Variants in IGSF1 observed in about 807,000 individuals in gnomAD.
IGSF1 encodes immunoglobulin superfamily member 1, also known as immunoglobulin-like domain-containing protein 1.
In IGSF1, 40 loss-of-function variants were observed where a neutral mutation model predicts 95.3. The ratio of observed to expected loss-of-function variants is 0.42; its 90% CI spans 0.33 to 0.55. The LOEUF is 0.55. Among genes scored for constraint, IGSF1 ranks in the 20% least tolerant of loss-of-function variants. IGSF1 has a pLI of 0.10. For missense variants in IGSF1, 906 were observed against 1,025.4 expected, an observed-to-expected ratio of 0.88 and a Z score of 1.59; for synonymous variants, 372 against 382.9, an observed-to-expected ratio of 0.97 and a Z score of 0.33.
rs779673932 is a variant in IGSF1 at position 131,285,819 on chromosome X, C to A, written c.327G>T (p.Trp109Cys). 16 of 1,211,069 alleles carry A rather than the reference C, an allele frequency of 1.3e-5. No homozygotes were observed. Among genetic ancestry groups the A allele is most frequent in the Non-Finnish European group, 1.8e-5 (16 of 895,028 alleles). ...SNAGLYRCCY[W>C]KETGWSKPSK... Reference sequence around the variant, plus strand: ...TGGGCTTTGACCAGCCTGTCTCCTTCCAGTAGCAGCACCGGTAAAGACCTG... The same window carrying A: ...TGGGCTTTGACCAGCCTGTCTCCTTACAGTAGCAGCACCGGTAAAGACCTG... The change falls in exon 4 of 20, where the codon TGG becomes TGT. Residue 109 changes from tryptophan to cysteine, a missense_variant. Physicochemically the swap from Trp to Cys is radical, Grantham distance 215 (BLOSUM62 -2). This residue lies in a region of IGSF1 where 442 missense variants were observed against 448.1 expected (regional missense o/e 0.99). Coordinates refer to ENST00000361420, the MANE Select transcript of IGSF1 (RefSeq NM_001555.5).
chrX:131,273,628 C>T lies in IGSF1; in HGVS notation c.*168G>A, dbSNP rs1248417789. On this transcript the variant is annotated 3_prime_UTR_variant, in exon 20 of 20. Transcript: ENST00000361420. ...GGGTGGGGAACCTCTCTTCAGGAAA[C>T]ATCTCACCCTGGCAGAGCTCTCAAC... 2 of 484,565 alleles carry T rather than the reference C, an allele frequency of 4.1e-6. No individual in the cohort carries two copies. Among genetic ancestry groups the T allele is most frequent in the Non-Finnish European group, 7.1e-6 (2 of 282,896 alleles). The allele number at this position is 484,565 out of a possible 1,213,427, so 39.9% of individuals were successfully genotyped here.
intron 5 of IGSF1, 55 bp downstream of exon 5, chrX:131,285,124 G>A (rs376242370): frequency 2.4e-5 from 27 of 1,141,930 alleles, no homozygotes; most frequent in Non-Finnish European, 3.0e-5. Flanking sequence ...AGCTCAGCCA[G>A]CCATGATACC....
At chrX:131,286,183 C>T in intron 3 of IGSF1, 135 bp from the exon 4 acceptor site, 1 of 596,958 alleles carries the variant, frequency 1.7e-6, no homozygotes. Context: ...GGAGTGTGCT[C>T]CTGTGGGGCA....
At chrX:131,277,588 A>C in intron 13 of IGSF1, 2 of 390,362 alleles carry the variant, frequency 5.1e-6, no homozygotes, top group Non-Finnish European at 8.8e-6. Flanking sequence ...GAGTTGCTCT[A>C]TGGTGAAGTG....
At position 131,273,763 on chromosome X, in the gene IGSF1, AG is replaced by A; in HGVS notation, c.*32del. 8.5e-7 allele frequency: 1 copy of A among 1,182,574 alleles called. No homozygotes were observed. Among genetic ancestry groups the A allele is most frequent in the Admixed American group, 2.2e-5 (1 of 44,518 alleles). ...TTATAGGTCTCTGAGAGCAAGAGAG[AG>A]GAGAGGAAAGCTCTTGTAAAGGAGG... On this transcript the variant is annotated 3_prime_UTR_variant, in exon 20 of 20. Coordinates refer to ENST00000361420, the MANE Select transcript of IGSF1 (RefSeq NM_001555.5).
chrX:131,283,292 G>T, intron 5 of IGSF1, 28 bp from the exon 6 acceptor site: 1 of 1,121,082 alleles, frequency 8.9e-7, no homozygotes, highest in Non-Finnish European at 1.2e-6. Context: ...CCTAAAGTTA[G>T]AGGCAAGATG....
At chrX:131,288,052 T>C (rs770698163) in intron 1 of IGSF1, among the ~76,000 whole-genome samples, 1 of 111,762 alleles carries the variant, frequency 8.9e-6, no homozygotes, top group South Asian at 3.8e-4. Context: ...AGGAGGATAT[T>C]TCGTGTTCAA....
Position 131,273,931 on chromosome X carries a change from T to G in IGSF1, c.3876A>C (p.Arg1292Ser), listed in dbSNP as rs749695524. ...GGTCTCTTCCGTCTGTCTCTGAGCC[T>G]CTATGTAAAGAAAAAGACATGAGTA... ...EWKKWPRLRTRGSETDGRDQT... is the reference protein window; with the variant it reads ...EWKKWPRLRTSGSETDGRDQT... The change falls in exon 20 of 20, where the codon AGA becomes AGC. Residue 1292 changes from arginine (R) to serine (S), a missense_variant and splice_region_variant. This residue lies in a region of IGSF1 where 411 missense variants were observed against 494.9 expected (regional missense o/e 0.83). Coordinates refer to ENST00000361420, the MANE Select transcript of IGSF1 (RefSeq NM_001555.5). 1.5e-5 allele frequency: 18 copies of G among 1,208,766 alleles called. No homozygotes were observed. The highest frequency in any genetic ancestry group is 2.0e-5 in the Non-Finnish European group (18 of 894,133).
intron 11 of IGSF1, 130 bp from the exon 12 acceptor site, chrX:131,278,881 T>TTTCCTTCC (rs769264181): frequency 1.4e-5 from 9 of 641,121 alleles, no homozygotes; most frequent in Non-Finnish European, 2.2e-5. Flanking sequence ...CCTTTCCTTC[T>TTTCCTTCC]TTCCTTCCTT....
intron 18 of IGSF1, 47 bp downstream of exon 18, chrX:131,274,552 G>A (rs778161522): frequency 8.6e-7 from 1 of 1,156,948 alleles, no homozygotes; most frequent in South Asian, 2.0e-5. Flanking sequence ...CTGTCCCTGG[G>A]ATCCCAGGTG....
In IGSF1 at chrX:131,279,725, T is replaced by G. The variant is rs369877061; in HGVS notation, c.1647-384A>C. 1.9e-4 allele frequency among the ~76,000 whole-genome samples: 21 copies of G among 111,153 alleles called. 1 individual carries two copies. In the East Asian group the frequency reaches 4.8e-3, roughly 26 times the overall value. On this transcript the variant is annotated intron_variant, in intron 9 of 19. Transcript: ENST00000361420. ...GATCGGCAGCTCTGGGTGGTGTGTGTGGGGGTGGAGGGAGAAACTGTGAGT... is the reference window on the plus strand; with the variant it reads ...GATCGGCAGCTCTGGGTGGTGTGTGGGGGGGTGGAGGGAGAAACTGTGAGT...
intron 2 of IGSF1, 43 bp downstream of exon 2, chrX:131,286,562 C>T (rs1296014022): frequency 3.4e-6 from 4 of 1,177,614 alleles, no homozygotes; most frequent in East Asian, 3.0e-5. Context: ...GAGTGGGTAC[C>T]TATGACAGGG....
At chrX:131,283,856 C>A (rs1212304309) in intron 5 of IGSF1, among the ~76,000 whole-genome samples, 1 of 111,791 alleles carries the variant, frequency 8.9e-6, no homozygotes, top group Non-Finnish European at 1.9e-5. Context: ...TCCTTCCTAC[C>A]CCCACCCCAA....
chrX:131,284,679 G>A, intron 5 of IGSF1: 3 of 750,037 alleles, frequency 4.0e-6, no homozygotes, highest in Non-Finnish European at 4.7e-6. Context: ...GATTTATAAA[G>A]CCATTTCTAA....
chrX:131,284,894 T>G, intron 5 of IGSF1: 1 of 741,760 alleles, frequency 1.3e-6, no homozygotes, highest in South Asian at 7.7e-5. Context: ...AATGAATGAA[T>G]GCATGATATT....
intron 11 of IGSF1, 37 bp from the exon 12 acceptor site, chrX:131,278,788 C>G (rs2080512795): frequency 8.9e-7 from 1 of 1,122,699 alleles, no homozygotes; most frequent in African/African-American, 1.8e-5. Flanking sequence ...ATCCTCCCGC[C>G]TCCCTTCCCC....
rs746421327 is a variant in IGSF1, at chrX:131,285,927, A to G, written c.219T>C (p.Asp73=). Residue 73 remains aspartate (D), a synonymous_variant, in exon 4 of 20, where the codon GAT becomes GAC. Coordinates refer to ENST00000361420, the MANE Select transcript of IGSF1 (RefSeq NM_001555.5). ...GGCGGATCCAGGTCATCTGTGTCTT[A>G]TCCTTCAGCAGCAGGAACTTGCTTG... ...RISSKFLLLK[D]KTQMTWIRPS... The G allele has an allele frequency of 5.8e-6, 7 of 1,209,764 alleles. No individual in the cohort carries two copies. The highest frequency in any genetic ancestry group is 1.8e-5 in the African/African-American group (1 of 57,059).
At chrX:131,284,711 T>C in intron 5 of IGSF1, 1 of 751,681 alleles carries the variant, frequency 1.3e-6, no homozygotes, top group Non-Finnish European at 1.6e-6. Flanking sequence ...TCACATTCTT[T>C]GTCATTTGTT....
At chrX:131,284,516 A>T (rs2080605361) in intron 5 of IGSF1, 1 of 752,189 alleles carries the variant, frequency 1.3e-6, no homozygotes, top group Non-Finnish European at 1.6e-6. Context: ...GAGAGACTAA[A>T]GCAAATGTGG....
Sources: gnomAD v4.1 joint callset for allele counts (sites outside exome capture counted in the v4.1 genomes callset) on GRCh38, gnomAD v4.1.1 for gene constraint, gnomAD v4.1.1 regional missense constraint, MANE v1.5 for transcripts, NCBI Gene and HGNC (gene_info 2026-07-23, HGNC 2026-07-21) for gene names.